The following IGF2BP2 variants were observed in gnomAD, a reference collection of about 807,000 sequenced individuals.
IGF2BP2 encodes the protein insulin-like growth factor 2 mRNA-binding protein 2.
Under a neutral mutation model 75.8 loss-of-function variants are expected in IGF2BP2, and 17 were observed. The observed-to-expected ratio is 0.22, with a 90% CI of 0.15 to 0.34. The LOEUF is 0.34. IGF2BP2 is among the 10% of genes least tolerant of loss of function. IGF2BP2 has a pLI of 1.00. For synonymous variants in IGF2BP2, 288 were observed against 295.6 expected, an observed-to-expected ratio of 0.97 and a Z score of 0.26; for missense variants, 516 against 772.4, an observed-to-expected ratio of 0.67 and a Z score of 3.93.
chr3:185,702,028 T>C (rs915307429), intron 2 of IGF2BP2, among the ~76,000 whole-genome samples: 3 of 152,178 alleles, frequency 2.0e-5, no homozygotes, highest in Non-Finnish European at 2.9e-5. Flanking sequence ...CCTGCTGAGC[T>C]TTCCAGAATG....
rs564786816 is a variant in IGF2BP2, at chr3:185,811,062, TATAC to T, written c.239+12087_239+12090del. Among the ~76,000 whole-genome samples, 216 of 152,248 alleles carry T rather than the reference TATAC, an allele frequency of 1.4e-3. 1 individual carries two copies. The highest frequency in any genetic ancestry group is 5.0e-3 in the African/African-American group (208 of 41,558). ...AGGACAGTCACATATTCAGCATATA[TATAC>T]ATATTCTACATTTACAAAAGAATTT... On this transcript the variant is annotated intron_variant, in intron 2 of 15. Coordinates refer to ENST00000382199, the MANE Select transcript of IGF2BP2 (RefSeq NM_006548.6).
At chr3:185,759,297 C>T (rs553197622) in intron 2 of IGF2BP2, among the ~76,000 whole-genome samples, 1 of 152,356 alleles carries the variant, frequency 6.6e-6, no homozygotes, top group East Asian at 1.9e-4. Context: ...CATTCACTCT[C>T]AAACATGTAC....
At chr3:185,753,928 G>A (rs980977935) in intron 2 of IGF2BP2, among the ~76,000 whole-genome samples, 7 of 152,064 alleles carry the variant, frequency 4.6e-5, no homozygotes, top group Non-Finnish European at 1.0e-4. Flanking sequence ...CTGATGCCAG[G>A]TGCAGTGGCT....
chr3:185,664,933 C>T (rs1188698828), intron 10 of IGF2BP2, among the ~76,000 whole-genome samples: 1 of 152,038 alleles, frequency 6.6e-6, no homozygotes, highest in Non-Finnish European at 1.5e-5. Flanking sequence ...GATCAAAGCA[C>T]TCAGATTCAG....
At chr3:185,659,850 A>T (rs1454040070) in intron 10 of IGF2BP2, among the ~76,000 whole-genome samples, 2 of 150,962 alleles carry the variant, frequency 1.3e-5, no homozygotes, top group African/African-American at 2.4e-5. Flanking sequence ...GCTGGAGTGC[A>T]GTGGCGCAAT....
chr3:185,785,029 G>A (rs370436414), intron 2 of IGF2BP2, among the ~76,000 whole-genome samples: 14 of 152,208 alleles, frequency 9.2e-5, no homozygotes, highest in African/African-American at 2.6e-4. Context: ...GGACAGGCAC[G>A]GTGGCTCATG....
chr3:185,671,855 A>G (rs2149212524), intron 10 of IGF2BP2, among the ~76,000 whole-genome samples: 1 of 152,346 alleles, frequency 6.6e-6, no homozygotes, highest in Middle Eastern at 3.4e-3. Flanking sequence ...AAAAATAAGC[A>G]GTCTGCGTAG....
intron 2 of IGF2BP2, among the ~76,000 whole-genome samples, chr3:185,701,829 G>A (rs1013285390): frequency 1.3e-5 from 2 of 152,114 alleles, no homozygotes; most frequent in Non-Finnish European, 2.9e-5. Flanking sequence ...GAGTTCAGCC[G>A]GTCATTTGGG....
intron 7 of IGF2BP2, among the ~76,000 whole-genome samples, chr3:185,684,996 A>G (rs894362961): frequency 2.6e-5 from 4 of 152,046 alleles, no homozygotes; most frequent in Admixed American, 2.6e-4. Flanking sequence ...CCAAGTTGTA[A>G]ATTAGTCTTT....
intron 2 of IGF2BP2, among the ~76,000 whole-genome samples, chr3:185,754,054 C>G (rs552261690): frequency 1.0e-3 from 155 of 151,712 alleles, no homozygotes; most frequent in Admixed American, 3.5e-3. Flanking sequence ...AAAAAAAATA[C>G]AAACATTAGC....
intron 5 of IGF2BP2, among the ~76,000 whole-genome samples, chr3:185,690,360 T>C (rs1432677745): frequency 1.3e-5 from 2 of 152,208 alleles, no homozygotes; most frequent in African/African-American, 2.4e-5. Context: ...AATATAAACA[T>C]ATTATTGCTT....
At chr3:185,650,455 T>C (rs1042924753) in intron 13 of IGF2BP2, among the ~76,000 whole-genome samples, 15 of 152,092 alleles carry the variant, frequency 9.9e-5, no homozygotes, top group Non-Finnish European at 2.1e-4. Flanking sequence ...GGTGGACAGA[T>C]TGTTTGAGGC....
At position 185,819,492 on chromosome 3, in the gene IGF2BP2, C is replaced by T. The variant is rs554282348; in HGVS notation, c.239+3661G>A. On this transcript the variant is annotated intron_variant, in intron 2 of 15. Coordinates refer to ENST00000382199, the MANE Select transcript of IGF2BP2 (RefSeq NM_006548.6). Reference sequence around the variant, plus strand: ...ACCAAGTTCACTTTTTTCTGTATTGCTTCTATTTTAACTCTAATACTTATC... The same window carrying T: ...ACCAAGTTCACTTTTTTCTGTATTGTTTCTATTTTAACTCTAATACTTATC... 1.1e-3 allele frequency among the ~76,000 whole-genome samples: 170 copies of T among 152,040 alleles called. 1 individual carries two copies. The highest frequency in any genetic ancestry group is 1.8e-3 in the Non-Finnish European group (125 of 67,922).
intron 5 of IGF2BP2, among the ~76,000 whole-genome samples, chr3:185,691,898 C>A (rs1205737654): frequency 6.6e-6 from 1 of 152,128 alleles, no homozygotes; most frequent in Non-Finnish European, 1.5e-5. Flanking sequence ...CCATTCCCAG[C>A]TAATTTTTAA....
intron 2 of IGF2BP2, among the ~76,000 whole-genome samples, chr3:185,770,390 A>G (rs1255442686): frequency 7.9e-5 from 12 of 152,244 alleles, no homozygotes; most frequent in Non-Finnish European, 2.9e-5. Flanking sequence ...ACAGAGATTC[A>G]CCATGTCAGA....
At chr3:185,669,992 T>G (rs1043114576) in intron 10 of IGF2BP2, among the ~76,000 whole-genome samples, 8 of 152,322 alleles carry the variant, frequency 5.3e-5, no homozygotes, top group African/African-American at 1.7e-4. Context: ...CCATTGGACC[T>G]GCACTTCTGC....
chr3:185,800,993 G>A (rs1227235470), intron 2 of IGF2BP2, among the ~76,000 whole-genome samples: 1 of 151,474 alleles, frequency 6.6e-6, no homozygotes, highest in Admixed American at 6.6e-5. Flanking sequence ...GAATCTACAA[G>A]GAACTTAAAC....
intron 2 of IGF2BP2, among the ~76,000 whole-genome samples, chr3:185,747,764 G>A (rs1421070080): frequency 1.3e-5 from 2 of 152,028 alleles, no homozygotes; most frequent in Admixed American, 6.6e-5. Context: ...AGTAGACTGA[G>A]AATGTCCCAA....
chr3:185,734,574 T>C (rs1487277172), intron 2 of IGF2BP2, among the ~76,000 whole-genome samples: 1 of 152,236 alleles, frequency 6.6e-6, no homozygotes, highest in African/African-American at 2.4e-5. Context: ...TTTTAACAAG[T>C]GTGTGTTAGC....
Sources: allele counts gnomAD v4.1 joint callset (sites outside exome capture counted in the v4.1 genomes callset), GRCh38; gene constraint gnomAD v4.1.1; transcripts MANE v1.5; gene names NCBI Gene and HGNC (gene_info 2026-07-23, HGNC 2026-07-21).